The following LHFPL3 variants were observed in gnomAD, a reference collection of about 807,000 sequenced individuals.
LHFPL3 encodes LHFPL tetraspan subfamily member 3, also known as LHFPL tetraspan subfamily member 3 protein.
In LHFPL3, 5 loss-of-function variants were observed where a neutral mutation model predicts 19.3. The observed-to-expected ratio is 0.26, with a 90% CI of 0.14 to 0.54. The LOEUF (loss-of-function observed/expected upper bound fraction) is 0.54. Among genes scored for constraint, LHFPL3 ranks in the 20% least tolerant of loss-of-function variants. The pLI is 0.94. For missense variants in LHFPL3, 249 were observed against 307.4 expected (o/e 0.81, Z 1.42); for synonymous variants, 133 against 126.2 (o/e 1.05, Z -0.36).
At chr7:104,614,466 C>A (rs1170168651) in intron 1 of LHFPL3, among the ~76,000 whole-genome samples, 2 of 152,084 alleles carry the variant, frequency 1.3e-5, no homozygotes, top group African/African-American at 4.8e-5. Context: ...AGAGAACTGG[C>A]ACCTGGTAAA....
At chr7:104,798,998 T>A (rs2116468423) in intron 2 of LHFPL3, among the ~76,000 whole-genome samples, 1 of 152,296 alleles carries the variant, frequency 6.6e-6, no homozygotes, top group Non-Finnish European at 1.5e-5. Context: ...ATTCAGTAGG[T>A]TTTGCTCCTA....
In LHFPL3 at chr7:104,667,398, G is replaced by A. The variant is rs188092085; in HGVS notation, c.446-69277G>A. On this transcript the variant is annotated intron_variant, in intron 1 of 2. Transcript: ENST00000424859. ...TCCCTGCCTGTATTAAGCATCACAT[G>A]CCATGGGCCATTGCTGTTACTTCGT... Among the ~76,000 whole-genome samples, 44 of 152,216 alleles carry A rather than the reference G, an allele frequency of 2.9e-4. 1 individual carries two copies. Among genetic ancestry groups the A allele is most frequent in the Non-Finnish European group, 4.7e-4 (32 of 68,014 alleles).
intron 1 of LHFPL3, among the ~76,000 whole-genome samples, chr7:104,356,910 G>C (rs942346714): frequency 6.6e-6 from 1 of 152,192 alleles, no homozygotes; most frequent in African/African-American, 2.4e-5. Context: ...CAGCGGGCTA[G>C]CGAGCACTGC....
intron 2 of LHFPL3, among the ~76,000 whole-genome samples, chr7:104,827,902 C>G (rs903935436): frequency 6.6e-5 from 10 of 151,936 alleles, no homozygotes; most frequent in South Asian, 4.1e-4. Flanking sequence ...AGGCTAGACC[C>G]TCTTCCAGAC....
At chr7:104,601,848 T>C (rs1037411119) in intron 1 of LHFPL3, among the ~76,000 whole-genome samples, 1 of 152,066 alleles carries the variant, frequency 6.6e-6, no homozygotes, top group East Asian at 1.9e-4. Context: ...ATCCTATGCT[T>C]TGTTCCATGG....
chr7:104,724,574 T>C (rs568694128), intron 1 of LHFPL3, among the ~76,000 whole-genome samples: 8 of 152,196 alleles, frequency 5.3e-5, no homozygotes, highest in Non-Finnish European at 7.4e-5. Context: ...CATGGACACA[T>C]ACAGTGGAAC....
chr7:104,800,893 A>G (rs1584541316), intron 2 of LHFPL3, among the ~76,000 whole-genome samples: 1 of 152,204 alleles, frequency 6.6e-6, no homozygotes, highest in Non-Finnish European at 1.5e-5. Context: ...GAGGACCCCA[A>G]AATAGACAGG....
chr7:104,416,455 C>T (rs999426605), intron 1 of LHFPL3, among the ~76,000 whole-genome samples: 1 of 152,230 alleles, frequency 6.6e-6, no homozygotes, highest in African/African-American at 2.4e-5. Context: ...GCTGCCTCCA[C>T]TCCCATGGAG....
chr7:104,547,398 G>A (rs1016600253), intron 1 of LHFPL3, among the ~76,000 whole-genome samples: 3 of 152,092 alleles, frequency 2.0e-5, no homozygotes, highest in Non-Finnish European at 2.9e-5. Context: ...GGGGTAGAGG[G>A]TAGTTCTTTT....
intron 1 of LHFPL3, among the ~76,000 whole-genome samples, chr7:104,725,780 G>A (rs926218684): frequency 4.6e-5 from 7 of 152,100 alleles, no homozygotes; most frequent in South Asian, 2.1e-4. Flanking sequence ...GGCAGGGCGC[G>A]GTGGCTTACG....
chr7:104,364,650 C>T (rs1195312555), intron 1 of LHFPL3, among the ~76,000 whole-genome samples: 2 of 152,180 alleles, frequency 1.3e-5, no homozygotes, highest in Non-Finnish European at 2.9e-5. Context: ...GGAATCACAT[C>T]ATGGTGAAAA....
At chr7:104,845,489 C>G (rs1584572146) in intron 2 of LHFPL3, 1 of 1,514,182 alleles carries the variant, frequency 6.6e-7, no homozygotes, top group South Asian at 1.2e-5. Context: ...GCCTTCTGTT[C>G]CCGCATGTTT....
intron 1 of LHFPL3, among the ~76,000 whole-genome samples, chr7:104,561,632 A>G (rs1790005936): frequency 6.6e-6 from 1 of 152,120 alleles, no homozygotes; most frequent in South Asian, 2.1e-4. Flanking sequence ...TTGACTTGTT[A>G]TCCAATTTGC....
intron 1 of LHFPL3, among the ~76,000 whole-genome samples, chr7:104,689,451 G>A (rs913253998): frequency 6.6e-6 from 1 of 152,124 alleles, no homozygotes; most frequent in African/African-American, 2.4e-5. Context: ...AGGTTGAGTG[G>A]ACAAAAGACT....
chr7:104,554,637 A>G (rs62485147), intron 1 of LHFPL3, among the ~76,000 whole-genome samples: 2,465 of 127,636 alleles, frequency 0.019, 52 homozygotes, highest in East Asian at 0.14. Context: ...TAGATTAGAT[A>G]GACAGATAGA....
At chr7:104,614,194 G>A (rs1791264123) in intron 1 of LHFPL3, among the ~76,000 whole-genome samples, 2 of 152,118 alleles carry the variant, frequency 1.3e-5, no homozygotes, top group Admixed American at 6.5e-5. Flanking sequence ...TTGGGCTGAG[G>A]GAGAACATGA....
intron 1 of LHFPL3, among the ~76,000 whole-genome samples, chr7:104,366,732 A>G (rs1409381927): frequency 6.6e-6 from 1 of 152,182 alleles, no homozygotes; most frequent in Non-Finnish European, 1.5e-5. Flanking sequence ...GTATGAATGC[A>G]TTTTATGGGA....
intron 1 of LHFPL3, among the ~76,000 whole-genome samples, chr7:104,394,663 A>C (rs904202209): frequency 7.9e-5 from 12 of 152,126 alleles, no homozygotes; most frequent in Admixed American, 7.2e-4. Flanking sequence ...TAGCATTAAT[A>C]AGGCAATTGA....
chr7:104,856,934 T>C (rs1398104330), intron 2 of LHFPL3, among the ~76,000 whole-genome samples: 6 of 152,214 alleles, frequency 3.9e-5, no homozygotes, highest in Non-Finnish European at 5.9e-5. Context: ...GCTGCAAGAA[T>C]AGGATGAAAA....
Sources: gnomAD v4.1 joint callset for allele counts (sites outside exome capture counted in the v4.1 genomes callset) on GRCh38, gnomAD v4.1.1 for gene constraint, MANE v1.5 for transcripts, NCBI Gene and HGNC (gene_info 2026-07-23, HGNC 2026-07-21) for gene names.